R3HDM1: variants seen among roughly 807,000 people sequenced by gnomAD.
The protein encoded by R3HDM1 is R3H domain containing 1, also known as R3H domain-containing protein 1.
A neutral mutation model predicts 141.1 loss-of-function variants in R3HDM1; 46 were observed. The ratio of observed to expected loss-of-function variants is 0.33; its 90% CI spans 0.26 to 0.42. The LOEUF is 0.42. R3HDM1 is among the 10% of genes least tolerant of loss of function. R3HDM1 has a pLI of 1.00. For synonymous variants in R3HDM1, 435 were observed against 472.9 expected, an observed-to-expected ratio of 0.92 and a Z score of 1.04; for missense variants, 1,184 against 1,368.3, an observed-to-expected ratio of 0.87 and a Z score of 2.12.
intron 7 of R3HDM1, among the ~76,000 whole-genome samples, chr2:135,624,726 G>A (rs562889048): frequency 1.3e-5 from 2 of 152,336 alleles, no homozygotes; most frequent in Admixed American, 1.3e-4. Context: ...TTGTGTTTTG[G>A]AAAGATTACT....
intron 20 of R3HDM1, among the ~76,000 whole-genome samples, chr2:135,677,346 G>A (rs1158764991): frequency 1.3e-5 from 2 of 151,920 alleles, no homozygotes; most frequent in Non-Finnish European, 1.5e-5. Context: ...CTCCATCCTT[G>A]AGCCTAGGCA....
At chr2:135,610,924 C>T (rs1315145047) in intron 3 of R3HDM1, among the ~76,000 whole-genome samples, 3 of 151,444 alleles carry the variant, frequency 2.0e-5, no homozygotes, top group East Asian at 1.9e-4. Context: ...GGACAACACA[C>T]GAAGACTTTG....
intron 23 of R3HDM1, among the ~76,000 whole-genome samples, chr2:135,712,868 C>T (rs1464414732): frequency 1.3e-5 from 2 of 151,698 alleles, no homozygotes; most frequent in Admixed American, 6.6e-5. Flanking sequence ...TTGCAGTGAG[C>T]CAAGATCGCC....
At chr2:135,566,283 G>C (rs1357939135) in intron 1 of R3HDM1, among the ~76,000 whole-genome samples, 1 of 152,138 alleles carries the variant, frequency 6.6e-6, no homozygotes, top group Non-Finnish European at 1.5e-5. Flanking sequence ...GGAAGCAAGG[G>C]AGTTTTTTGC....
At chr2:135,629,431 T>A (rs190467130) in intron 7 of R3HDM1, among the ~76,000 whole-genome samples, 27 of 152,254 alleles carry the variant, frequency 1.8e-4, no homozygotes, top group Non-Finnish European at 4.4e-5. Flanking sequence ...CCCTAAAATT[T>A]AAGAAAAACA....
chr2:135,576,274 G>A (rs1705395885), intron 1 of R3HDM1, among the ~76,000 whole-genome samples: 1 of 151,910 alleles, frequency 6.6e-6, no homozygotes, highest in African/African-American at 2.4e-5. Flanking sequence ...GCTGAGAGAT[G>A]GGACAATTGC....
chr2:135,641,809 G>T lies in R3HDM1; in HGVS notation c.1474+19G>T, dbSNP rs564319516. ...CAAACAGGTTGGTATCCAGAAAAAG[G>T]TGTTTCAGGAATTATCTGAAAATTT... On this transcript the variant is annotated intron_variant, in intron 15 of 26. Transcript: ENST00000683871. 6.4e-7 allele frequency: 1 copy of T among 1,572,568 alleles called. No homozygotes were observed. Among genetic ancestry groups the T allele is most frequent in the East Asian group, 2.3e-5 (1 of 44,374 alleles).
intron 19 of R3HDM1, chr2:135,670,396 T>C: frequency 1.0e-6 from 1 of 976,074 alleles, no homozygotes; most frequent in Non-Finnish European, 1.2e-6. Flanking sequence ...ACAGTAAAGA[T>C]CAGTTGAGTT....
chr2:135,581,817 C>A (rs1706881546), intron 1 of R3HDM1, among the ~76,000 whole-genome samples: 3 of 152,106 alleles, frequency 2.0e-5, no homozygotes, highest in African/African-American at 7.2e-5. Context: ...ACTCATGGTA[C>A]CTTATGTCTA....
intron 1 of R3HDM1, among the ~76,000 whole-genome samples, chr2:135,569,028 CACTT>C (rs531422961): frequency 9.1e-4 from 138 of 151,808 alleles, no homozygotes; most frequent in Non-Finnish European, 1.8e-3. Context: ...CCAGTCCAGT[CACTT>C]ACTAAGTCCT....
At chr2:135,613,409 C>T (rs181309584) in intron 3 of R3HDM1, among the ~76,000 whole-genome samples, 1 of 152,108 alleles carries the variant, frequency 6.6e-6, no homozygotes, top group African/African-American at 2.4e-5. Context: ...GACTTGCCCC[C>T]GTGCTCCCAC....
intron 1 of R3HDM1, among the ~76,000 whole-genome samples, chr2:135,575,861 C>G (rs188634179): frequency 1.3e-5 from 2 of 152,070 alleles, no homozygotes; most frequent in Admixed American, 1.3e-4. Context: ...CACCAAGAAG[C>G]CTTTTTTACT....
intron 8 of R3HDM1, 28 bp from the exon 9 acceptor site, chr2:135,631,833 A>G: frequency 6.3e-7 from 1 of 1,596,818 alleles, no homozygotes; most frequent in East Asian, 2.3e-5. Flanking sequence ...TCCTTGACTT[A>G]CTAAGTTGGT....
At position 135,531,495 on chromosome 2, in the gene R3HDM1, C is replaced by G. The variant is rs886400256; in HGVS notation, c.-388C>G. Reference sequence around the variant, plus strand: ...TGGGAAGGGGCGGGATTCTGCCAGCCGCGGCTGCCGCTGGAGCCGGTGTCC... The same window carrying G: ...TGGGAAGGGGCGGGATTCTGCCAGCGGCGGCTGCCGCTGGAGCCGGTGTCC... On this transcript the variant is annotated 5_prime_UTR_variant, in exon 1 of 27. Transcript: ENST00000683871. 5.1e-6 allele frequency: 5 copies of G among 985,650 alleles called. No individual in the cohort carries two copies. The highest frequency in any genetic ancestry group is 4.8e-6 in the Non-Finnish European group (4 of 830,012). 61.1% of individuals were successfully genotyped at this position (985,650 alleles called of 1,614,324 possible). A position where few individuals can be genotyped will look rare whatever the true frequency, so the allele number is the denominator to read the frequency against.
At chr2:135,650,597 C>T in intron 17 of R3HDM1, 1 of 979,368 alleles carries the variant, frequency 1.0e-6, no homozygotes, top group Non-Finnish European at 1.2e-6. Context: ...CTTCTGTTAA[C>T]AATATTTGAT....
intron 19 of R3HDM1, chr2:135,669,554 G>C (rs909418083): frequency 3.0e-6 from 3 of 985,176 alleles, no homozygotes; most frequent in Non-Finnish European, 3.6e-6. Flanking sequence ...GCCAGGTTCT[G>C]CTTATTTGAA....
intron 1 of R3HDM1, among the ~76,000 whole-genome samples, chr2:135,583,602 T>C (rs1338989126): frequency 2.0e-5 from 3 of 152,234 alleles, no homozygotes; most frequent in South Asian, 2.1e-4. Context: ...TTGCAAAATA[T>C]TGATTTTCTA....
intron 1 of R3HDM1, among the ~76,000 whole-genome samples, chr2:135,550,613 G>C (rs1276391359): frequency 6.6e-6 from 1 of 152,170 alleles, no homozygotes; most frequent in African/African-American, 2.4e-5. Context: ...GTCACACCAA[G>C]GTCACAGAAA....
intron 21 of R3HDM1, among the ~76,000 whole-genome samples, chr2:135,700,294 C>T (rs576258901): frequency 3.9e-5 from 6 of 152,260 alleles, no homozygotes; most frequent in Non-Finnish European, 8.8e-5. Flanking sequence ...TTAGTTGTCA[C>T]AGACCGTTTC....
Sources: allele counts gnomAD v4.1 joint callset (sites outside exome capture counted in the v4.1 genomes callset), GRCh38; gene constraint gnomAD v4.1.1; transcripts MANE v1.5; gene names NCBI Gene and HGNC (gene_info 2026-07-23, HGNC 2026-07-21).